The following ANKRD17 variants were observed in gnomAD, a reference collection of about 807,000 sequenced individuals.
The protein encoded by ANKRD17 is ankyrin repeat domain-containing protein 17.
Under a neutral mutation model 229.7 loss-of-function variants are expected in ANKRD17, and 19 were observed. That is an observed-to-expected ratio of 0.08 (90% CI 0.06 to 0.12). The LOEUF (loss-of-function observed/expected upper bound fraction) is 0.12. Among genes scored for constraint, ANKRD17 ranks in the 10% least tolerant of loss-of-function variants. The pLI, the probability that ANKRD17 is intolerant of heterozygous loss-of-function variation, is 1.00. For synonymous variants in ANKRD17, 1,112 were observed against 1,146.1 expected, an observed-to-expected ratio of 0.97 and a Z score of 0.60; for missense variants, 2,176 against 3,176.8, an observed-to-expected ratio of 0.68 and a Z score of 7.57.
Position 73,076,118 on chromosome 4 carries a change from A to C in ANKRD17, c.*113T>G. 1 of 815,874 alleles carries C rather than the reference A, an allele frequency of 1.2e-6. No homozygotes were observed. The highest frequency in any genetic ancestry group is 1.8e-6 in the Non-Finnish European group (1 of 551,484). 50.5% of individuals were successfully genotyped at this position (815,874 alleles called of 1,614,324 possible). ...GTAAGATCTTCTGCAAAAAGCCTAC[A>C]CACTTCAGTCAAGCACATCAGTAGA... is the stretch of plus-strand genomic sequence containing the variant. On this transcript the variant is annotated 3_prime_UTR_variant, in exon 34 of 34. Transcript: ENST00000358602.
chr4:73,123,786 T>C (rs1222871757), intron 18 of ANKRD17, among the ~76,000 whole-genome samples: 1 of 151,848 alleles, frequency 6.6e-6, no homozygotes, highest in Non-Finnish European at 1.5e-5. Context: ...TATAACCTTA[T>C]GTGCTATGAC....
intron 1 of ANKRD17, among the ~76,000 whole-genome samples, chr4:73,184,932 A>G (rs1736092040): frequency 6.6e-6 from 1 of 152,200 alleles, no homozygotes; most frequent in South Asian, 2.1e-4. Flanking sequence ...ATTAAGGCAA[A>G]TAACTGGTAA....
At position 73,141,835 on chromosome 4, in the gene ANKRD17, A is replaced by G; in HGVS notation, c.2238T>C (p.Arg746=). 3.7e-6 allele frequency: 6 copies of G among 1,613,740 alleles called. No homozygotes were observed. Among genetic ancestry groups the G allele is most frequent in the Non-Finnish European group, 5.1e-6 (6 of 1,179,812 alleles). ...CCATGGGCAGTGCTTGAACTGGTAC[A>G]CGAGGAGCCTAAGACAAAGGACACT... ...PPSHDLNRAP[R]VPVQALPMVV... is the part of the protein sequence containing the mutation. The change falls in exon 14 of 34, where the codon CGT becomes CGC. Residue 746 remains arginine (R), a synonymous_variant. Coordinates refer to ENST00000358602, the MANE Select transcript of ANKRD17 (RefSeq NM_032217.5).
intron 22 of ANKRD17, among the ~76,000 whole-genome samples, chr4:73,117,209 T>C (rs1469452101): frequency 2.0e-5 from 3 of 152,084 alleles, no homozygotes; most frequent in Non-Finnish European, 4.4e-5. Flanking sequence ...TGAGTAACTT[T>C]GGAAAAATGA....
At chr4:73,199,437 C>T (rs1292831545) in intron 1 of ANKRD17, among the ~76,000 whole-genome samples, 1 of 151,980 alleles carries the variant, frequency 6.6e-6, no homozygotes, top group Non-Finnish European at 1.5e-5. Context: ...TATAGAGTAC[C>T]CCTATTAATT....
chr4:73,104,875 C>T (rs1330578592), intron 24 of ANKRD17, among the ~76,000 whole-genome samples: 2 of 152,174 alleles, frequency 1.3e-5, no homozygotes, highest in East Asian at 3.9e-4. Flanking sequence ...TTGGGTAGGT[C>T]ATAGGGTGTG....
In ANKRD17 at chr4:73,092,205, C is replaced by G. The variant is rs745658828; in HGVS notation, c.5423G>C (p.Arg1808Pro). ...KEIDELIPKN[R>P]LKSSSANSKI... Reference sequence around the variant, plus strand: ...GGAATTTGCTGAGGAGCTTTTCAAACGATTCTTTGGAATAAGTTCATCAAT... The same window carrying G: ...GGAATTTGCTGAGGAGCTTTTCAAAGGATTCTTTGGAATAAGTTCATCAAT... The change falls in exon 29 of 34, where the codon CGT (arginine) becomes CCT (proline). Residue 1808 changes from arginine (R) to proline (P), a missense_variant. Coordinates refer to ENST00000358602, the MANE Select transcript of ANKRD17 (RefSeq NM_032217.5). The G allele has an allele frequency of 6.2e-7, 1 of 1,614,064 alleles. No individual in the cohort carries two copies. The highest frequency in any genetic ancestry group is 8.5e-7 in the Non-Finnish European group (1 of 1,180,014).
intron 18 of ANKRD17, among the ~76,000 whole-genome samples, chr4:73,123,877 T>C (rs934219900): frequency 2.0e-5 from 3 of 151,874 alleles, no homozygotes; most frequent in African/African-American, 7.3e-5. Context: ...TCAGAATACC[T>C]TTACATATAA....
At position 73,147,199 on chromosome 4, in the gene ANKRD17, C is replaced by T. The variant is rs376590867; in HGVS notation, c.1759+42G>A. Reference sequence around the variant, plus strand: ...TTGCATTATGACATTTTTACTTAAACAAATCATGTAAAAAACTTCTCCCAA... The same window carrying T: ...TTGCATTATGACATTTTTACTTAAATAAATCATGTAAAAAACTTCTCCCAA... On this transcript the variant is annotated intron_variant, in intron 9 of 33. Coordinates refer to ENST00000358602, the MANE Select transcript of ANKRD17 (RefSeq NM_032217.5). 153 of 1,479,084 alleles carry T rather than the reference C, an allele frequency of 1.0e-4. 1 individual carries two copies. The highest frequency in any genetic ancestry group is 9.4e-5 in the Admixed American group (4 of 42,460). The allele number at this position is 1,479,084 out of a possible 1,614,324, so 91.6% of individuals were successfully genotyped here.
At chr4:73,242,585 A>G (rs1744140675) in intron 1 of ANKRD17, among the ~76,000 whole-genome samples, 1 of 152,234 alleles carries the variant, frequency 6.6e-6, no homozygotes, top group Non-Finnish European at 1.5e-5. Context: ...ATGGTCACGT[A>G]CAAAAGATGA....
chr4:73,173,518 C>G (rs80308728), intron 2 of ANKRD17, among the ~76,000 whole-genome samples: 1 of 152,106 alleles, frequency 6.6e-6, no homozygotes, highest in East Asian at 1.9e-4. Flanking sequence ...CCACAAACTC[C>G]GGCTCTAAGA....
intron 1 of ANKRD17, among the ~76,000 whole-genome samples, chr4:73,184,795 A>T (rs1454585030): frequency 6.6e-6 from 1 of 152,216 alleles, no homozygotes; most frequent in Non-Finnish European, 1.5e-5. Context: ...TAATACAGTG[A>T]TTGTGCAGAG....
chr4:73,149,068 T>C lies in ANKRD17; in HGVS notation c.1330-18A>G, dbSNP rs749441900. 3.8e-6 allele frequency: 6 copies of C among 1,594,362 alleles called. No individual in the cohort carries two copies. The highest frequency in any genetic ancestry group is 5.1e-6 in the Non-Finnish European group (6 of 1,166,926). ...TGGCCATCCTAATGATAATACAATT[T>C]AAAAAATTAAATCAGCACCATTAAA... On this transcript the variant is annotated intron_variant, in intron 7 of 33. Transcript: ENST00000358602.
rs147149735 is a variant in ANKRD17, at chr4:73,189,170, T to C, written c.394-11637A>G. On this transcript the variant is annotated intron_variant, in intron 1 of 33. Coordinates refer to ENST00000358602, the MANE Select transcript of ANKRD17 (RefSeq NM_032217.5). Reference sequence around the variant, plus strand: ...CCAGAAAACAGATGGAAAAACTCTCTAGTTCATTATAGATAGCCAATTAAC... The same window carrying C: ...CCAGAAAACAGATGGAAAAACTCTCCAGTTCATTATAGATAGCCAATTAAC... Among the ~76,000 whole-genome samples the C allele has an allele frequency of 2.9e-4, 44 of 152,236 alleles. No homozygotes were observed. In the East Asian group the frequency reaches 7.7e-3, roughly 27 times the overall value.
rs900390849 is a variant in ANKRD17, at chr4:73,188,442, G to A, written c.394-10909C>T. ...TCTACTAAAAATATAAAAATTAGCC[G>A]GGCATGGTGGTATGCGCCTGTAGTC... On this transcript the variant is annotated intron_variant, in intron 1 of 33. Transcript: ENST00000358602. 2.7e-4 allele frequency among the ~76,000 whole-genome samples: 41 copies of A among 151,736 alleles called. 1 individual carries two copies. The highest frequency in any genetic ancestry group is 7.7e-4 in the African/African-American group (32 of 41,306).
chr4:73,231,780 A>G (rs1743071568), intron 1 of ANKRD17, among the ~76,000 whole-genome samples: 1 of 152,210 alleles, frequency 6.6e-6, no homozygotes, highest in South Asian at 2.1e-4. Flanking sequence ...CCCAACTCCC[A>G]TACTCCAAAA....
chr4:73,157,938 A>AC, intron 3 of ANKRD17, among the ~76,000 whole-genome samples: 2 of 151,946 alleles, frequency 1.3e-5, no homozygotes, highest in Non-Finnish European at 2.9e-5. Context: ...AAATACAAAA[A>AC]AAAATTAGCC....
At chr4:73,191,110 T>A (rs1029758286) in intron 1 of ANKRD17, among the ~76,000 whole-genome samples, 6 of 152,056 alleles carry the variant, frequency 3.9e-5, no homozygotes, top group South Asian at 2.1e-4. Context: ...GCCAAAAAAA[T>A]TTGTTGAAAA....
chr4:73,086,919 A>AAAAAAAAAAAATATAT, intron 29 of ANKRD17, among the ~76,000 whole-genome samples: 3 of 12,464 alleles, frequency 2.4e-4, no homozygotes, highest in Admixed American at 1.5e-3. Context: ...AAAAAAAAAA[A>AAAAAAAAAAAATATAT]ATATATATAT....
Sources: allele counts gnomAD v4.1 joint callset (sites outside exome capture counted in the v4.1 genomes callset), GRCh38; gene constraint gnomAD v4.1.1; transcripts MANE v1.5; gene names NCBI Gene and HGNC (gene_info 2026-07-23, HGNC 2026-07-21).